GARNL3: variants seen among roughly 807,000 people sequenced by gnomAD.
The protein encoded by GARNL3 is GTPase activating Rap/RanGAP domain like 3, also known as GTPase-activating Rap/Ran-GAP domain-like protein 3.
GARNL3 carries 63 observed loss-of-function variants against 125.0 expected under a neutral mutation model. That is an observed-to-expected ratio of 0.50 (90% CI 0.41 to 0.62). GARNL3 has a LOEUF of 0.62. Among genes scored for constraint, GARNL3 ranks in the 20% least tolerant of loss-of-function variants. The probability of loss-of-function intolerance (pLI) is 0.00; values close to 1 mark genes in which losing one functional copy is unlikely to be tolerated. For synonymous variants in GARNL3, 439 were observed against 457.5 expected, an observed-to-expected ratio of 0.96 and a Z score of 0.52; for missense variants, 994 against 1,244.0, an observed-to-expected ratio of 0.80 and a Z score of 3.02.
chr9:127,375,719 A>G (rs1343085977), intron 22 of GARNL3, among the ~76,000 whole-genome samples: 1 of 152,184 alleles, frequency 6.6e-6, no homozygotes, highest in African/African-American at 2.4e-5. Flanking sequence ...AGAATATCGT[A>G]GAAGTGAAGG....
rs1369889992 is a variant in GARNL3 at position 127,383,440 on chromosome 9, A to C, written c.2164A>C (p.Ser722Arg). The C allele has an allele frequency of 6.3e-7, 1 of 1,599,254 alleles. No homozygotes were observed. The change falls in exon 23 of 28, where the codon AGT (serine) becomes CGT (arginine). Residue 722 changes from serine (S) to arginine (R), a missense_variant and splice_region_variant. Transcript: ENST00000373387. ...EAGLLLCYNY[S>R]CIYKKVCPFN... ...AGTTGCTGTTGTTTTCATTGCAGAC[A>C]GTTGCATCTATAAAAAGGTTTGCCC...
chr9:127,323,598 T>C (rs34302161), intron 6 of GARNL3, among the ~76,000 whole-genome samples: 25,583 of 152,108 alleles, frequency 0.17, 2,288 homozygotes, highest in East Asian at 0.21. Flanking sequence ...AGAGGTGCGA[T>C]CCTTTTCTTA....
intron 2 of GARNL3, among the ~76,000 whole-genome samples, chr9:127,297,530 A>G (rs1178451319): frequency 6.6e-6 from 1 of 152,208 alleles, no homozygotes; most frequent in Non-Finnish European, 1.5e-5. Context: ...ATTGCTAGCT[A>G]TCTATGAATT....
At chr9:127,262,980 A>G (rs140116280), upstream of GARNL3, among the ~76,000 whole-genome samples, 1 of 152,276 alleles carries the variant, frequency 6.6e-6, no homozygotes, top group Admixed American at 6.5e-5. Flanking sequence ...GCCTCCTACA[A>G]CCCAAGAAAT....
In GARNL3 at chr9:127,359,288, G is replaced by A. The variant is rs557161760; in HGVS notation, c.2094+1911G>A. Among the ~76,000 whole-genome samples, 11 of 152,252 alleles carry A rather than the reference G, an allele frequency of 7.2e-5. No individual in the cohort carries two copies. In the South Asian group the frequency reaches 2.1e-3, roughly 29 times the overall value. On this transcript the variant is annotated intron_variant, in intron 21 of 27. Coordinates refer to ENST00000373387, the MANE Select transcript of GARNL3 (RefSeq NM_032293.5). The stretch of plus-strand genomic sequence containing the variant: ...GCGGATCACCTGAGGTCAGGAGTTC[G>A]AGACCAGCCTGGCCAACATGGCGAA...
At chr9:127,224,717 T>G (rs2062866074) in intron 1 of GARNL3, 3 of 150,554 alleles carry the variant, frequency 2.0e-5, no homozygotes, top group Admixed American at 2.0e-4. Flanking sequence ...TTGCGCGAGC[T>G]CAGTAGTGCA....
chr9:127,318,651 C>G (rs1447560460), intron 5 of GARNL3, among the ~76,000 whole-genome samples: 1 of 152,108 alleles, frequency 6.6e-6, no homozygotes, highest in Non-Finnish European at 1.5e-5. Flanking sequence ...TCAGCCACCT[C>G]TCGTGCCCCC....
chr9:127,317,993 G>T, intron 4 of GARNL3, 70 bp from the exon 5 acceptor site: 1 of 901,394 alleles, frequency 1.1e-6, no homozygotes, highest in South Asian at 1.3e-5. Flanking sequence ...TCTTTTGAAT[G>T]ACCCGAGAGG....
At chr9:127,391,533 A>AAAAAAATATATAT in intron 27 of GARNL3, among the ~76,000 whole-genome samples, 1 of 75,848 alleles carries the variant, frequency 1.3e-5, no homozygotes, top group Non-Finnish European at 3.2e-5. Context: ...ACAAAAAAAA[A>AAAAAAATATATAT]ATATATATAT....
chr9:127,305,164 G>C (rs1457835865), intron 2 of GARNL3, among the ~76,000 whole-genome samples: 1 of 152,148 alleles, frequency 6.6e-6, no homozygotes, highest in Non-Finnish European at 1.5e-5. Context: ...GAGCCTTCTG[G>C]AATACTGAAA....
intron 1 of GARNL3, among the ~76,000 whole-genome samples, chr9:127,225,913 G>T (rs2062904614): frequency 6.6e-6 from 1 of 151,816 alleles, no homozygotes; most frequent in Non-Finnish European, 1.5e-5. Context: ...TTCCCCCGGG[G>T]CCTCTCACGG....
Position 127,335,437 on chromosome 9 carries a change from G to A in GARNL3, c.873+104G>A. On this transcript the variant is annotated intron_variant, in intron 10 of 27. Transcript: ENST00000373387. ...CTATGCCGGTTAACATATGAGCTGA[G>A]CTGTGGCCACCAATTTAGGGATGCT... 3 of 905,618 alleles carry A rather than the reference G, an allele frequency of 3.3e-6. No individual in the cohort carries two copies. The South Asian group carries it at 4.3e-5, about 13-fold the overall frequency. 56.1% of individuals were successfully genotyped at this position (905,618 alleles called of 1,614,324 possible).
chr9:127,279,995 T>C lies in GARNL3; in HGVS notation c.145-11173T>C, dbSNP rs148410742. ...GCTGGAGTGAGATAGGATATTCTCC[T>C]GTGCTTGGCTTTTTGCTGCTCTGTA... On this transcript the variant is annotated intron_variant, in intron 1 of 27. Coordinates refer to ENST00000373387, the MANE Select transcript of GARNL3 (RefSeq NM_032293.5). 4.9e-4 allele frequency among the ~76,000 whole-genome samples: 74 copies of C among 152,358 alleles called. 1 individual carries two copies. In the East Asian group the frequency reaches 0.013, roughly 27 times the overall value.
At chr9:127,270,106 G>A (rs929606108) in intron 1 of GARNL3, among the ~76,000 whole-genome samples, 2 of 152,062 alleles carry the variant, frequency 1.3e-5, no homozygotes, top group African/African-American at 4.8e-5. Flanking sequence ...TTTCTATATG[G>A]TGTGAGGTAA....
intron 17 of GARNL3, among the ~76,000 whole-genome samples, chr9:127,350,391 A>G (rs1192954987): frequency 6.6e-6 from 1 of 152,212 alleles, no homozygotes; most frequent in East Asian, 1.9e-4. Flanking sequence ...AGTTATCTGT[A>G]TTAAGTGTTT....
At chr9:127,376,267 AT>A (rs537824459) in intron 22 of GARNL3, among the ~76,000 whole-genome samples, 65 of 146,698 alleles carry the variant, frequency 4.4e-4, no homozygotes, top group South Asian at 8.7e-4. Flanking sequence ...GCCTCTTAAC[AT>A]TTTTTTTTTG....
At chr9:127,275,144 T>A (rs1036572612) in intron 1 of GARNL3, among the ~76,000 whole-genome samples, 1 of 152,252 alleles carries the variant, frequency 6.6e-6, no homozygotes, top group African/African-American at 2.4e-5. Flanking sequence ...TATTTTGTTT[T>A]CTCAAAGTTG....
At chr9:127,261,445 T>C (rs1324968618), upstream of GARNL3, among the ~76,000 whole-genome samples, 4 of 146,134 alleles carry the variant, frequency 2.7e-5, no homozygotes, top group Non-Finnish European at 6.0e-5. Flanking sequence ...AGTTTTGCTC[T>C]TGTTGCCCAG....
At chr9:127,379,106 A>G (rs1832105551) in intron 22 of GARNL3, among the ~76,000 whole-genome samples, 1 of 152,208 alleles carries the variant, frequency 6.6e-6, no homozygotes, top group Non-Finnish European at 1.5e-5. Context: ...AGGCAGCTCC[A>G]AACCTGAGGG....
Sources: gnomAD v4.1 joint callset for allele counts (sites outside exome capture counted in the v4.1 genomes callset) on GRCh38, gnomAD v4.1.1 for gene constraint, MANE v1.5 for transcripts, NCBI Gene and HGNC (gene_info 2026-07-23, HGNC 2026-07-21) for gene names.